Variants in CCDC171 observed in about 807,000 individuals in gnomAD.
The protein encoded by CCDC171 is coiled-coil domain containing 171, also known as coiled-coil domain-containing protein 171.
A neutral mutation model predicts 168.2 loss-of-function variants in CCDC171; 177 were observed. The observed-to-expected ratio is 1.05, with a 90% confidence interval of 0.93 to 1.19. The LOEUF is 1.19. CCDC171 is among the 50% of genes most tolerant of loss of function. The pLI is 0.00. For missense variants in CCDC171, 1,991 were observed against 1,539.0 expected (o/e 1.29, Z -4.91); for synonymous variants, 687 against 540.8 (o/e 1.27, Z -3.75).
intron 25 of CCDC171, among the ~76,000 whole-genome samples, chr9:15,968,833 C>T (rs1192044982): frequency 1.3e-5 from 2 of 152,182 alleles, no homozygotes; most frequent in Non-Finnish European, 2.9e-5. Flanking sequence ...GCCACCATCC[C>T]CAGCCGGTGG....
At chr9:15,727,073 G>A (rs2053853200) in intron 14 of CCDC171, among the ~76,000 whole-genome samples, 1 of 152,108 alleles carries the variant, frequency 6.6e-6, no homozygotes. Flanking sequence ...TACTGAAGTG[G>A]TAATATAATT....
intron 5 of CCDC171, among the ~76,000 whole-genome samples, chr9:15,593,145 C>A (rs1367720411): frequency 6.6e-6 from 1 of 151,998 alleles, no homozygotes; most frequent in South Asian, 2.1e-4. Flanking sequence ...AAAAAAAAGC[C>A]TCAAGGCTCT....
chr9:15,778,847 C>T (rs1419966531), intron 19 of CCDC171, 121 bp from the exon 20 acceptor site: 7 of 651,352 alleles, frequency 1.1e-5, no homozygotes, highest in Non-Finnish European at 1.4e-5. Context: ...CTCTACATTT[C>T]TGTAATAGCT....
chr9:15,647,261 G>A (rs963952985), intron 7 of CCDC171, among the ~76,000 whole-genome samples: 2 of 152,044 alleles, frequency 1.3e-5, no homozygotes, highest in African/African-American at 4.8e-5. Context: ...AGTGTGTAGA[G>A]GGAAATATAT....
At chr9:15,759,820 TG>T (rs2056347741) in intron 18 of CCDC171, among the ~76,000 whole-genome samples, 1 of 152,226 alleles carries the variant, frequency 6.6e-6, no homozygotes, top group African/African-American at 2.4e-5. Context: ...TTTTAGAGAA[TG>T]ATTTTTAATT....
At chr9:15,925,272 C>T (rs138619693) in intron 25 of CCDC171, among the ~76,000 whole-genome samples, 22 of 151,622 alleles carry the variant, frequency 1.5e-4, no homozygotes, top group African/African-American at 5.1e-4. Flanking sequence ...GTCAGTGATG[C>T]TTGAGCTAGT....
chr9:15,587,838 G>A, intron 4 of CCDC171: 1 of 245,494 alleles, frequency 4.1e-6, no homozygotes, highest in East Asian at 1.0e-4. Context: ...GGCTCTGCAG[G>A]GAGAACATTT....
chr9:15,977,687 C>T (rs927844737), downstream of CCDC171, among the ~76,000 whole-genome samples: 4 of 152,140 alleles, frequency 2.6e-5, no homozygotes, highest in African/African-American at 7.2e-5. Flanking sequence ...CCCAGTGAAG[C>T]GGCTCCAGAA....
At chr9:15,563,288 GC>G (rs1330625034) in intron 1 of CCDC171, among the ~76,000 whole-genome samples, 26 of 151,850 alleles carry the variant, frequency 1.7e-4, no homozygotes, top group African/African-American at 6.3e-4. Context: ...ACAGGCATGT[GC>G]CACCCCGCCT....
chr9:15,881,240 C>A (rs1023344797), intron 24 of CCDC171, among the ~76,000 whole-genome samples: 1 of 152,026 alleles, frequency 6.6e-6, no homozygotes, highest in African/African-American at 2.4e-5. Flanking sequence ...CTGAGTAGAG[C>A]CCTAAGCAAT....
At chr9:15,923,935 G>C (rs1825620534) in intron 25 of CCDC171, among the ~76,000 whole-genome samples, 1 of 151,286 alleles carries the variant, frequency 6.6e-6, no homozygotes, top group Admixed American at 6.6e-5. Context: ...ACATTCCAGT[G>C]AGAAGGATGG....
chr9:15,908,586 C>T (rs1823105618), intron 24 of CCDC171, among the ~76,000 whole-genome samples: 1 of 152,160 alleles, frequency 6.6e-6, no homozygotes. Context: ...AGCACACCTA[C>T]ATGGCACATG....
In CCDC171 at chr9:16,017,810, G is replaced by A. The variant is rs1037906575; in HGVS notation, n.369-2779G>A. 1.2e-4 allele frequency among the ~76,000 whole-genome samples: 19 copies of A among 152,178 alleles called. No homozygotes were observed. In the South Asian group the frequency reaches 1.4e-3, roughly 12 times the overall value. The stretch of plus-strand genomic sequence containing the variant: ...TACAAATATTTATTTCATAACATGC[G>A]TTGCACAAGAAAGAGGCCTAGGTTG... On this transcript the variant is annotated intron_variant and non_coding_transcript_variant, in intron 3 of 9. Transcript: ENST00000486641.
chr9:15,829,916 C>G (rs1280830561), intron 21 of CCDC171, among the ~76,000 whole-genome samples: 1 of 152,016 alleles, frequency 6.6e-6, no homozygotes, highest in Non-Finnish European at 1.5e-5. Context: ...TGAGACCCTG[C>G]TCAAAAAAAT....
At chr9:15,651,361 G>T (rs745413650) in intron 7 of CCDC171, among the ~76,000 whole-genome samples, 4 of 151,058 alleles carry the variant, frequency 2.6e-5, no homozygotes, top group Admixed American at 2.6e-4. Context: ...TGCCTGCCTC[G>T]GCCTCCCAAA....
Position 15,949,016 on chromosome 9 carries a change from G to A in CCDC171, c.3754-22593G>A, listed in dbSNP as rs1405847817. On this transcript the variant is annotated intron_variant, in intron 25 of 25. Coordinates refer to ENST00000380701, the MANE Select transcript of CCDC171 (RefSeq NM_173550.4). ...ATTTTAGTGTAAGGTGTAAGGAAGG[G>A]ATCCAGTTTCAGCTTTCTACATATG... 2.6e-5 allele frequency among the ~76,000 whole-genome samples: 4 copies of A among 152,074 alleles called. No homozygotes were observed. In the South Asian group the frequency reaches 6.2e-4, roughly 24 times the overall value.
chr9:15,695,629 T>G (rs1416336052), intron 11 of CCDC171, among the ~76,000 whole-genome samples: 5 of 152,276 alleles, frequency 3.3e-5, no homozygotes, highest in Non-Finnish European at 7.4e-5. Context: ...AAAAAAGTCC[T>G]TACAGTATAC....
chr9:15,583,744 A>G (rs1390764460), intron 4 of CCDC171, among the ~76,000 whole-genome samples: 1 of 152,158 alleles, frequency 6.6e-6, no homozygotes, highest in Non-Finnish European at 1.5e-5. Flanking sequence ...TTTGCCTGCA[A>G]CCGAACACCA....
intron 6 of CCDC171, among the ~76,000 whole-genome samples, chr9:15,609,587 C>G (rs1393248518): frequency 6.6e-6 from 1 of 152,130 alleles, no homozygotes; most frequent in African/African-American, 2.4e-5. Context: ...ATTGTCTGTT[C>G]TTTTACCGCA....
Sources: allele counts gnomAD v4.1 joint callset (sites outside exome capture counted in the v4.1 genomes callset), GRCh38; gene constraint gnomAD v4.1.1; transcripts MANE v1.5; gene names NCBI Gene and HGNC (gene_info 2026-07-23, HGNC 2026-07-21).